The following ZYG11A variants were observed in gnomAD, a reference collection of about 807,000 sequenced individuals.
The protein encoded by ZYG11A is zyg-11 family member A, cell cycle regulator.
A neutral mutation model predicts 77.2 loss-of-function variants in ZYG11A; 62 were observed. The observed-to-expected ratio is 0.80, with a 90% CI of 0.65 to 0.99. The LOEUF (loss-of-function observed/expected upper bound fraction) is 0.99, where lower values mean the gene tolerates loss of function less well. Ranked by LOEUF, ZYG11A falls within the 50% of genes least tolerant of loss-of-function variation. The pLI is 0.00. For synonymous variants in ZYG11A, 315 were observed against 324.6 expected (o/e 0.97, Z 0.32); for missense variants, 828 against 896.8 (o/e 0.92, Z 0.98).
intron 10 of ZYG11A, among the ~76,000 whole-genome samples, chr1:52,880,741 A>C (rs777257151): frequency 2.0e-5 from 3 of 152,126 alleles, no homozygotes; most frequent in Non-Finnish European, 2.9e-5. Flanking sequence ...CAAGAAACTG[A>C]ATCACTCAGT....
Position 52,893,025 on chromosome 1 carries a change from C to T in ZYG11A, c.*68C>T, listed in dbSNP as rs1646572430. ...GTGTTCTGCCCTGGCAGTAATTGCA[C>T]ATCAGTTGTCATTGGAGTTTGTGAG... On this transcript the variant is annotated 3_prime_UTR_variant, in exon 14 of 14. Coordinates refer to ENST00000371528, the MANE Select transcript of ZYG11A (RefSeq NM_001004339.3). 8.8e-6 allele frequency: 12 copies of T among 1,362,512 alleles called. No individual in the cohort carries two copies. Among genetic ancestry groups the T allele is most frequent in the African/African-American group, 1.5e-5 (1 of 68,830 alleles). The allele number at this position is 1,362,512 out of a possible 1,614,324, so 84.4% of individuals were successfully genotyped here. A position where few individuals can be genotyped will look rare whatever the true frequency, so the allele number is the denominator to read the frequency against.
At chr1:52,882,979 C>CTCATCTTTTCTTTTTTTTTTTTTTTTTTT (rs1553124936) in intron 11 of ZYG11A, among the ~76,000 whole-genome samples, 1,981 of 148,666 alleles carry the variant, frequency 0.013, 53 homozygotes, top group African/African-American at 0.049. Flanking sequence ...CCTTCCCAGA[C>CTCATCTTTTCTTTTTTTTTTTTTTTTTTT]TCATCTTTTC....
intron 8 of ZYG11A, among the ~76,000 whole-genome samples, chr1:52,868,517 C>CA (rs1345989997): frequency 5.3e-5 from 8 of 152,260 alleles, no homozygotes; most frequent in African/African-American, 1.9e-4. Flanking sequence ...TGCTGTGGCT[C>CA]ACGCCTGTAA....
intron 1 of ZYG11A, among the ~76,000 whole-genome samples, chr1:52,846,715 GTATTT>G (rs1361589693): frequency 6.6e-6 from 1 of 151,966 alleles, no homozygotes; most frequent in Non-Finnish European, 1.5e-5. Context: ...GAATTAATGT[GTATTT>G]TAAAGATTGC....
chr1:52,866,452 A>G, intron 5 of ZYG11A, 51 bp from the exon 6 acceptor site: 1 of 1,036,714 alleles, frequency 9.6e-7, no homozygotes, highest in Non-Finnish European at 1.5e-6. Flanking sequence ...ATCTTTGTTT[A>G]GAATGGAATG....
chr1:52,871,793 G>T (rs1459203423), intron 8 of ZYG11A, among the ~76,000 whole-genome samples: 1 of 152,048 alleles, frequency 6.6e-6, no homozygotes, highest in African/African-American at 2.4e-5. Flanking sequence ...ACCAGAATTG[G>T]CTTGCCTGTT....
chr1:52,865,379 T>C (rs1430516465), intron 5 of ZYG11A, among the ~76,000 whole-genome samples: 2 of 152,222 alleles, frequency 1.3e-5, no homozygotes, highest in African/African-American at 2.4e-5. Flanking sequence ...AAATCAGTTA[T>C]AAAAATGATC....
intron 1 of ZYG11A, among the ~76,000 whole-genome samples, chr1:52,851,499 G>A (rs557092545): frequency 3.4e-4 from 52 of 152,176 alleles, no homozygotes; most frequent in African/African-American, 1.3e-3. Flanking sequence ...CCGGGTACAA[G>A]CGTTTCTCCT....
intron 8 of ZYG11A, among the ~76,000 whole-genome samples, chr1:52,872,211 C>T (rs1355333878): frequency 6.6e-6 from 1 of 152,130 alleles, no homozygotes. Context: ...AAGCCATTCT[C>T]CTGCCTCAGC....
chr1:52,875,754 T>TGTTTGC (rs1646249674), intron 8 of ZYG11A, among the ~76,000 whole-genome samples: 1 of 150,598 alleles, frequency 6.6e-6, no homozygotes, highest in Admixed American at 6.7e-5. Flanking sequence ...AGAATAAAGA[T>TGTTTGC]GTTTGCTTTA....
At chr1:52,877,902 G>A in intron 9 of ZYG11A, 23 bp from the exon 10 acceptor site, 1 of 1,551,500 alleles carries the variant, frequency 6.4e-7, no homozygotes, top group Admixed American at 2.0e-5. Context: ...AAAGTAACCT[G>A]TATGTATATA....
intron 13 of ZYG11A, among the ~76,000 whole-genome samples, chr1:52,891,155 C>T (rs925181807): frequency 2.0e-5 from 3 of 151,982 alleles, no homozygotes; most frequent in Non-Finnish European, 4.4e-5. Context: ...CCACCTCAGC[C>T]TTCCAAAGTG....
intron 12 of ZYG11A, 71 bp downstream of exon 12, chr1:52,885,965 C>T: frequency 2.4e-6 from 3 of 1,243,672 alleles, no homozygotes; most frequent in Non-Finnish European, 3.3e-6. Flanking sequence ...CAGAGTCTTG[C>T]TCAGTCGCCC....
chr1:52,860,495 A>G lies in ZYG11A; in HGVS notation c.1009-236A>G, dbSNP rs189676492. On this transcript the variant is annotated intron_variant, in intron 3 of 13. Transcript: ENST00000371528. ...GTAATTTTAGTAGAGATGGGGTTTCACCATATTGTTCAGGCTGGTCTCTAC... is the reference window on the plus strand; with the variant it reads ...GTAATTTTAGTAGAGATGGGGTTTCGCCATATTGTTCAGGCTGGTCTCTAC... 6.6e-5 allele frequency among the ~76,000 whole-genome samples: 10 copies of G among 152,176 alleles called. No individual in the cohort carries two copies. In the East Asian group the frequency reaches 1.9e-3, roughly 29 times the overall value.
intron 1 of ZYG11A, among the ~76,000 whole-genome samples, chr1:52,849,821 T>C (rs1232133201): frequency 6.6e-6 from 1 of 151,956 alleles, no homozygotes. Flanking sequence ...TAGCTGGGAC[T>C]ACAGGCACCG....
intron 3 of ZYG11A, among the ~76,000 whole-genome samples, chr1:52,859,668 T>TA: frequency 4.3e-5 from 1 of 23,486 alleles, no homozygotes; most frequent in Non-Finnish European, 9.5e-5. Context: ...GTGTATTGCC[T>TA]TTTTTTTTTT....
rs1645841586 is a variant in ZYG11A at position 52,857,694 on chromosome 1, T to C, written c.953T>C (p.Leu318Pro). Residue 318 changes from leucine to proline, a missense_variant, in exon 3 of 14, where the codon CTA (leucine) becomes CCA (proline). Transcript: ENST00000371528. ...RLRPAMQFVG[L>P]LATDAGSSDF... ...CGGCCTGCCATGCAATTTGTGGGACTATTGGCCACGGATGCTGGCTCTTCT... is the reference window on the plus strand; with the variant it reads ...CGGCCTGCCATGCAATTTGTGGGACCATTGGCCACGGATGCTGGCTCTTCT... 1 of 1,552,048 alleles carries C rather than the reference T, an allele frequency of 6.4e-7. No individual in the cohort carries two copies. The highest frequency in any genetic ancestry group is 1.2e-5 in the South Asian group (1 of 83,992).
intron 12 of ZYG11A, 86 bp downstream of exon 12, chr1:52,885,980 T>C (rs1646443207): frequency 3.0e-6 from 3 of 990,080 alleles, no homozygotes; most frequent in Non-Finnish European, 4.4e-6. Context: ...TCGCCCAGGC[T>C]GGAGTGCAGT....
intron 3 of ZYG11A, among the ~76,000 whole-genome samples, chr1:52,859,757 A>G (rs1159638507): frequency 1.5e-5 from 2 of 132,248 alleles, no homozygotes; most frequent in Non-Finnish European, 3.1e-5. Flanking sequence ...GGCTCACTGC[A>G]ACCTCTGCCT....
Sources: allele counts gnomAD v4.1 joint callset (sites outside exome capture counted in the v4.1 genomes callset), GRCh38; gene constraint gnomAD v4.1.1; transcripts MANE v1.5; gene names NCBI Gene and HGNC (gene_info 2026-07-23, HGNC 2026-07-21).